The following ENTPD7 variants were observed in gnomAD, a reference collection of about 807,000 sequenced individuals.
ENTPD7 encodes NTPDase 7.
ENTPD7 carries 53 observed loss-of-function variants against 77.9 expected under a neutral mutation model. The ratio of observed to expected loss-of-function variants is 0.68; its 90% CI spans 0.55 to 0.85. The LOEUF (loss-of-function observed/expected upper bound fraction) is 0.85. ENTPD7 is among the 40% of genes least tolerant of loss of function. The pLI, the probability that ENTPD7 is intolerant of heterozygous loss-of-function variation, is 0.00. For synonymous variants in ENTPD7, 248 were observed against 274.9 expected (o/e 0.90, Z 0.97); for missense variants, 636 against 743.7 (o/e 0.86, Z 1.68).
intron 3 of ENTPD7, among the ~76,000 whole-genome samples, chr10:99,678,776 CA>C (rs11444813): frequency 1.3e-4 from 17 of 126,186 alleles, no homozygotes; most frequent in African/African-American, 1.8e-4. Flanking sequence ...GACTCCGTCT[CA>C]AAAAAAAAAA....
chr10:99,704,197 C>A (rs565633513), intron 12 of ENTPD7, among the ~76,000 whole-genome samples: 1 of 152,278 alleles, frequency 6.6e-6, no homozygotes, highest in East Asian at 1.9e-4. Context: ...ATTTCAAAGG[C>A]CTTCCCATCT....
chr10:99,706,484 C>T lies in ENTPD7; in HGVS notation c.*1801C>T, dbSNP rs536515016. 9.5e-5 allele frequency among the ~76,000 whole-genome samples: 14 copies of T among 147,772 alleles called. No homozygotes were observed. The highest frequency in any genetic ancestry group is 3.5e-3 in the Middle Eastern group (1 of 288). ...CAGAGTAGCTGGGACTACAGGTGTG[C>T]GCCACCACACTCAGCTAATTTTTTA... On this transcript the variant is annotated 3_prime_UTR_variant, in exon 13 of 13. Coordinates refer to ENST00000370489, the MANE Select transcript of ENTPD7 (RefSeq NM_020354.5).
rs896287402 is a variant in ENTPD7, at chr10:99,682,214, T to C, written c.548+2339T>C. On this transcript the variant is annotated intron_variant, in intron 5 of 12. Coordinates refer to ENST00000370489, the MANE Select transcript of ENTPD7 (RefSeq NM_020354.5). Reference sequence around the variant, plus strand: ...GTCAACAGCAGTTTTTTTTTTTTTTTACAACGTTTAAATTTTATAGTTGGC... The same window carrying C: ...GTCAACAGCAGTTTTTTTTTTTTTTCACAACGTTTAAATTTTATAGTTGGC... Among the ~76,000 whole-genome samples the C allele has an allele frequency of 3.3e-3, 496 of 151,716 alleles. 3 individuals are homozygous for C. Among genetic ancestry groups the C allele is most frequent in the African/African-American group, 0.011 (474 of 41,388 alleles).
intron 3 of ENTPD7, among the ~76,000 whole-genome samples, chr10:99,670,988 A>AT (rs1485070856): frequency 6.6e-6 from 1 of 152,084 alleles, no homozygotes; most frequent in Admixed American, 6.6e-5. Context: ...GCTGCACTCC[A>AT]TCCTGGGCAA....
rs2036371634 is a variant in ENTPD7, at chr10:99,711,155, A to G, written c.*6472A>G. ...AGAAGCTCATAGATATAATACAGTT[A>G]TATAGCTAAATGCAACCAGTTGTTT... On this transcript the variant is annotated 3_prime_UTR_variant, in exon 13 of 13. Transcript: ENST00000370489. The G allele has an allele frequency of 1.0e-6, 1 of 985,178 alleles. No individual in the cohort carries two copies. Among genetic ancestry groups the G allele is most frequent in the Non-Finnish European group, 1.2e-6 (1 of 829,802 alleles). The allele number at this position is 985,178 out of a possible 1,614,324, so 61.0% of individuals were successfully genotyped here. A position where few individuals can be genotyped will look rare whatever the true frequency, so the allele number is the denominator to read the frequency against.
intron 3 of ENTPD7, among the ~76,000 whole-genome samples, chr10:99,676,571 TG>T (rs2035684598): frequency 1.3e-5 from 2 of 152,222 alleles, no homozygotes; most frequent in African/African-American, 4.8e-5. Flanking sequence ...CACTTTGGAA[TG>T]GGGGTGGATT....
At chr10:99,664,450 CTTTTT>C (rs1209558702) in intron 3 of ENTPD7, among the ~76,000 whole-genome samples, 1 of 131,306 alleles carries the variant, frequency 7.6e-6, no homozygotes, top group African/African-American at 2.8e-5. Flanking sequence ...TTTACATTTT[CTTTTT>C]TTTTTTTTTT....
At chr10:99,663,634 G>C (rs1286342911) in intron 3 of ENTPD7, among the ~76,000 whole-genome samples, 2 of 151,450 alleles carry the variant, frequency 1.3e-5, no homozygotes, top group African/African-American at 2.4e-5. Flanking sequence ...TAATTTTTTT[G>C]ATTTTTAGTA....
rs2035487211 is a variant in ENTPD7, at chr10:99,661,539, C to T, written c.102C>T (p.Leu34=). Residue 34 remains leucine, a synonymous_variant, in exon 3 of 13, where the codon CTC becomes CTT. Transcript: ENST00000370489. ...GTCAGCGGGTGGCATTCCTGGGACT[C>T]TTCTTCATATCCTGTCTCCTTTTAC... ...FLRQRVAFLG[L]FFISCLLLLM... 1.2e-6 allele frequency: 2 copies of T among 1,613,858 alleles called. No individual in the cohort carries two copies. The highest frequency in any genetic ancestry group is 1.7e-5 in the Admixed American group (1 of 59,954).
In ENTPD7 at chr10:99,698,859, G is replaced by T. The variant is rs775699176; in HGVS notation, c.1335+1G>T. ...GCCAACATTTGCCAAGGCTGCTCAG[G>T]TAAATTATTAATGATAAACATGGCT... On this transcript the variant is annotated splice_donor_variant, in intron 10 of 12. Coordinates refer to ENST00000370489, the MANE Select transcript of ENTPD7 (RefSeq NM_020354.5). LOFTEE classifies it high-confidence loss of function. 6.3e-7 allele frequency: 1 copy of T among 1,587,068 alleles called. No individual in the cohort carries two copies.
At chr10:99,675,597 A>ATTTT (rs56282052) in intron 3 of ENTPD7, among the ~76,000 whole-genome samples, 3 of 105,610 alleles carry the variant, frequency 2.8e-5, no homozygotes, top group African/African-American at 3.9e-5. Context: ...ATTGCAACTA[A>ATTTT]TTTTTTTTTT....
At chr10:99,702,433 A>C in intron 11 of ENTPD7, 79 bp from the exon 12 acceptor site, 1 of 1,253,844 alleles carries the variant, frequency 8.0e-7, no homozygotes, top group East Asian at 2.6e-5. Flanking sequence ...ACTTGTGGGA[A>C]TACGGAGTGG....
intron 3 of ENTPD7, among the ~76,000 whole-genome samples, chr10:99,671,055 CA>C (rs1283722508): frequency 6.6e-6 from 1 of 151,914 alleles, no homozygotes; most frequent in African/African-American, 2.4e-5. Context: ...ATAAATTGTA[CA>C]CCTGTATAGG....
At chr10:99,688,271 G>A (rs570983948) in intron 6 of ENTPD7, among the ~76,000 whole-genome samples, 39 of 152,188 alleles carry the variant, frequency 2.6e-4, no homozygotes, top group Admixed American at 2.6e-3. Context: ...TTAAACCCTG[G>A]TCTCTTTCCC....
intron 6 of ENTPD7, among the ~76,000 whole-genome samples, chr10:99,687,958 A>G (rs887880258): frequency 2.0e-5 from 3 of 152,216 alleles, no homozygotes; most frequent in Non-Finnish European, 2.9e-5. Context: ...TCTTGAAGCT[A>G]CAGCTTCTCT....
intron 8 of ENTPD7, among the ~76,000 whole-genome samples, chr10:99,692,393 CATT>C (rs1360098898): frequency 6.6e-6 from 1 of 152,194 alleles, no homozygotes; most frequent in African/African-American, 2.4e-5. Context: ...AATTGCCCAT[CATT>C]GAGAACATCT....
chr10:99,669,776 G>GTCT (rs1590038951), intron 3 of ENTPD7, among the ~76,000 whole-genome samples: 1 of 108,460 alleles, frequency 9.2e-6, no homozygotes, highest in East Asian at 3.1e-4. Flanking sequence ...TTGAGACAGA[G>GTCT]TCTTGCTCTG....
intron 3 of ENTPD7, among the ~76,000 whole-genome samples, chr10:99,670,796 C>G (rs1201433431): frequency 6.6e-6 from 1 of 152,180 alleles, no homozygotes. Flanking sequence ...GGGCAGATCT[C>G]TTGAGCCCAG....
At chr10:99,700,605 C>T (rs1035941804) in intron 10 of ENTPD7, among the ~76,000 whole-genome samples, 2 of 152,128 alleles carry the variant, frequency 1.3e-5, no homozygotes, top group African/African-American at 2.4e-5. Context: ...ATTACAACAC[C>T]GAGGGAGGCC....
Sources: allele counts gnomAD v4.1 joint callset (sites outside exome capture counted in the v4.1 genomes callset), GRCh38; gene constraint gnomAD v4.1.1; transcripts MANE v1.5; gene names NCBI Gene and HGNC (gene_info 2026-07-23, HGNC 2026-07-21).